SGMS1: variants seen among roughly 807,000 people sequenced by gnomAD.
The protein encoded by SGMS1 is sphingomyelin synthase 1.
SGMS1 carries 13 observed loss-of-function variants against 46.2 expected under a neutral mutation model. That is an observed-to-expected ratio of 0.28 (90% CI 0.18 to 0.45). The LOEUF is 0.45. Among genes scored for constraint, SGMS1 ranks in the 20% least tolerant of loss-of-function variants. SGMS1 has a pLI of 1.00. For missense variants in SGMS1, 324 were observed against 519.9 expected (o/e 0.62, Z 3.66); for synonymous variants, 203 against 187.8 (o/e 1.08, Z -0.66).
intron 6 of SGMS1, among the ~76,000 whole-genome samples, chr10:50,388,125 C>A (rs1417906987): frequency 6.6e-6 from 1 of 152,088 alleles, no homozygotes; most frequent in Non-Finnish European, 1.5e-5. Context: ...GAGATATGTA[C>A]ATATTTGGTA....
chr10:50,539,891 A>G (rs1460584936), intron 2 of SGMS1, among the ~76,000 whole-genome samples: 1 of 152,224 alleles, frequency 6.6e-6, no homozygotes, highest in Non-Finnish European at 1.5e-5. Context: ...TAGACATGAT[A>G]AGCCTATGCA....
intron 3 of SGMS1, among the ~76,000 whole-genome samples, chr10:50,511,767 C>T (rs940109078): frequency 2.0e-5 from 3 of 152,134 alleles, no homozygotes; most frequent in African/African-American, 7.2e-5. Context: ...CCATCACTGG[C>T]TTTTGGCTCT....
chr10:50,456,558 A>G (rs1429821566), intron 5 of SGMS1, among the ~76,000 whole-genome samples: 4 of 152,132 alleles, frequency 2.6e-5, no homozygotes, highest in Non-Finnish European at 1.5e-5. Flanking sequence ...TCTCAGTTTG[A>G]TAACTTTAAT....
chr10:50,325,908 C>T (rs1025097160), intron 8 of SGMS1, among the ~76,000 whole-genome samples: 4 of 152,152 alleles, frequency 2.6e-5, no homozygotes, highest in African/African-American at 9.7e-5. Context: ...CAGCAAGAGT[C>T]CATATCCTTG....
chr10:50,496,372 A>G (rs1279719368), intron 3 of SGMS1, among the ~76,000 whole-genome samples: 1 of 152,174 alleles, frequency 6.6e-6, no homozygotes, highest in African/African-American at 2.4e-5. Flanking sequence ...TGCCTAAGGG[A>G]CTGTATGAAC....
intron 1 of SGMS1, among the ~76,000 whole-genome samples, chr10:50,622,231 C>T (rs769821381): frequency 1.1e-4 from 16 of 152,224 alleles, no homozygotes; most frequent in Non-Finnish European, 2.9e-5. Context: ...AGCCTTCGCC[C>T]GTGGACGTTT....
At chr10:50,440,671 T>C (rs1849533898) in intron 5 of SGMS1, among the ~76,000 whole-genome samples, 1 of 152,178 alleles carries the variant, frequency 6.6e-6, no homozygotes, top group African/African-American at 2.4e-5. Context: ...GGCGCAATCA[T>C]TGCTTGCTGC....
At chr10:50,549,558 G>A (rs1408945943) in intron 2 of SGMS1, among the ~76,000 whole-genome samples, 1 of 152,154 alleles carries the variant, frequency 6.6e-6, no homozygotes, top group Non-Finnish European at 1.5e-5. Flanking sequence ...TGGTGGGGGA[G>A]GGAGAGCATC....
At chr10:50,363,449 G>C (rs758420379) in intron 6 of SGMS1, among the ~76,000 whole-genome samples, 15 of 152,196 alleles carry the variant, frequency 9.9e-5, no homozygotes, top group Non-Finnish European at 1.9e-4. Context: ...GGAGTTAAAA[G>C]ACCACTTAAT....
intron 3 of SGMS1, among the ~76,000 whole-genome samples, chr10:50,471,059 T>TA (rs926674378): frequency 4.6e-5 from 7 of 152,138 alleles, no homozygotes; most frequent in African/African-American, 1.7e-4. Context: ...AAGTAGTTAC[T>TA]AAAAAAAGAT....
intron 3 of SGMS1, among the ~76,000 whole-genome samples, chr10:50,481,390 G>A (rs1416954806): frequency 6.6e-6 from 1 of 152,194 alleles, no homozygotes; most frequent in Non-Finnish European, 1.5e-5. Flanking sequence ...AGGTGTGGGA[G>A]GGACTGAGGC....
chr10:50,455,539 T>C (rs1339818746), intron 5 of SGMS1, among the ~76,000 whole-genome samples: 1 of 152,228 alleles, frequency 6.6e-6, no homozygotes, highest in East Asian at 1.9e-4. Flanking sequence ...TTTAGTTAGT[T>C]CCTCATTCTT....
intron 8 of SGMS1, among the ~76,000 whole-genome samples, chr10:50,318,602 A>T (rs1350747654): frequency 6.6e-6 from 1 of 152,186 alleles, no homozygotes; most frequent in South Asian, 2.1e-4. Flanking sequence ...CCATCTCTTG[A>T]TCACTCAAGA....
intron 1 of SGMS1, among the ~76,000 whole-genome samples, chr10:50,595,266 C>G (rs1199279972): frequency 6.6e-6 from 1 of 152,124 alleles, no homozygotes; most frequent in Non-Finnish European, 1.5e-5. Context: ...ACCTCCACCT[C>G]CCAGGTTCAA....
chr10:50,352,778 T>C (rs1848043670), intron 6 of SGMS1, among the ~76,000 whole-genome samples: 1 of 152,166 alleles, frequency 6.6e-6, no homozygotes, highest in South Asian at 2.1e-4. Flanking sequence ...GTGTTCTAAA[T>C]ACAAACTACC....
chr10:50,483,385 C>A (rs1384145335), intron 3 of SGMS1, among the ~76,000 whole-genome samples: 4 of 152,140 alleles, frequency 2.6e-5, no homozygotes, highest in Non-Finnish European at 5.9e-5. Flanking sequence ...TGGCCAGATT[C>A]ATAAAACAAG....
intron 3 of SGMS1, among the ~76,000 whole-genome samples, chr10:50,515,094 T>G (rs904789065): frequency 6.6e-6 from 1 of 152,222 alleles, no homozygotes. Context: ...GACTAACTCA[T>G]TATCTTTTGT....
intron 6 of SGMS1, among the ~76,000 whole-genome samples, chr10:50,361,338 A>G (rs957140941): frequency 1.9e-4 from 27 of 144,250 alleles, no homozygotes; most frequent in African/African-American, 6.4e-4. Flanking sequence ...GTCTCTCCTC[A>G]TACCCCCAGG....
chr10:50,576,743 T>G (rs1838388782), intron 2 of SGMS1, among the ~76,000 whole-genome samples: 1 of 152,208 alleles, frequency 6.6e-6, no homozygotes, highest in African/African-American at 2.4e-5. Context: ...GAGAGCACTT[T>G]TGATGTCACC....
Sources: allele counts gnomAD v4.1 joint callset (sites outside exome capture counted in the v4.1 genomes callset), GRCh38; gene constraint gnomAD v4.1.1; transcripts MANE v1.5; gene names NCBI Gene and HGNC (gene_info 2026-07-23, HGNC 2026-07-21).